Variants in WDR70 observed in about 807,000 individuals in gnomAD.
The protein encoded by WDR70 is WD repeat-containing protein 70.
A neutral mutation model predicts 88.6 loss-of-function variants in WDR70; 53 were observed. That is an observed-to-expected ratio of 0.60 (90% confidence interval 0.48 to 0.75). WDR70 has a LOEUF of 0.75. WDR70 is among the 30% of genes least tolerant of loss of function. WDR70 has a pLI of 0.00. For synonymous variants in WDR70, 280 were observed against 270.0 expected, an observed-to-expected ratio of 1.04 and a Z score of -0.36; for missense variants, 610 against 823.2, an observed-to-expected ratio of 0.74 and a Z score of 3.17.
In WDR70 at chr5:37,542,559, G is replaced by C. The variant is rs753252418; in HGVS notation, c.917+25969G>C. Among the ~76,000 whole-genome samples the C allele has an allele frequency of 3.0e-4, 46 of 152,182 alleles. 1 individual carries two copies. In the Middle Eastern group the frequency reaches 0.014, roughly 45 times the overall value. ...GCCTCTCAAAGTGCTGGGATTCCAG[G>C]TGTGAGCCAATGTGCCCCGGCCCAC... On this transcript the variant is annotated intron_variant, in intron 9 of 17. Transcript: ENST00000265107.
At chr5:37,382,026 T>C (rs1748441687) in intron 3 of WDR70, among the ~76,000 whole-genome samples, 1 of 151,984 alleles carries the variant, frequency 6.6e-6, no homozygotes, top group Non-Finnish European at 1.5e-5. Flanking sequence ...GCACTCCAGC[T>C]TGGGGGACAA....
intron 9 of WDR70, among the ~76,000 whole-genome samples, chr5:37,531,961 G>A (rs780738157): frequency 4.4e-4 from 67 of 152,014 alleles, no homozygotes; most frequent in Non-Finnish European, 4.4e-4. Context: ...TGGTAGTGGC[G>A]AATTCTCTCA....
At chr5:37,499,995 A>T (rs927494665) in intron 8 of WDR70, among the ~76,000 whole-genome samples, 3 of 152,190 alleles carry the variant, frequency 2.0e-5, no homozygotes, top group African/African-American at 7.2e-5. Flanking sequence ...TTTTATTTAC[A>T]TGAATGAATT....
intron 7 of WDR70, among the ~76,000 whole-genome samples, chr5:37,452,071 T>C (rs1462781045): frequency 6.6e-6 from 1 of 152,156 alleles, no homozygotes; most frequent in African/African-American, 2.4e-5. Flanking sequence ...TCCAATTTCA[T>C]TCTCTTTATT....
chr5:37,550,193 G>A (rs1742104031), intron 9 of WDR70, among the ~76,000 whole-genome samples: 1 of 152,188 alleles, frequency 6.6e-6, no homozygotes, highest in South Asian at 2.1e-4. Context: ...CAAATTGATG[G>A]TTTTTCAGCA....
intron 9 of WDR70, among the ~76,000 whole-genome samples, chr5:37,540,846 T>C (rs1741794804): frequency 6.6e-6 from 1 of 152,246 alleles, no homozygotes; most frequent in Non-Finnish European, 1.5e-5. Flanking sequence ...CATGATTTTC[T>C]CACTCTTTGT....
At chr5:37,402,630 C>G (rs1475006951) in intron 5 of WDR70, among the ~76,000 whole-genome samples, 1 of 151,970 alleles carries the variant, frequency 6.6e-6, no homozygotes, top group African/African-American at 2.4e-5. Context: ...AAATATTTGT[C>G]TCTTCCTTAT....
At chr5:37,585,621 A>C (rs2112435144) in intron 9 of WDR70, among the ~76,000 whole-genome samples, 1 of 152,284 alleles carries the variant, frequency 6.6e-6, no homozygotes, top group Admixed American at 6.5e-5. Flanking sequence ...TGTCTTCTCC[A>C]ATTCTCCATT....
At chr5:37,562,966 A>G (rs1742563529) in intron 9 of WDR70, among the ~76,000 whole-genome samples, 1 of 146,778 alleles carries the variant, frequency 6.8e-6, no homozygotes, top group South Asian at 2.2e-4. Flanking sequence ...TGTTGAGTAC[A>G]CCTCCCAGAC....
chr5:37,467,011 G>A (rs1739171337), intron 7 of WDR70, among the ~76,000 whole-genome samples: 1 of 151,986 alleles, frequency 6.6e-6, no homozygotes, highest in African/African-American at 2.4e-5. Context: ...CGAGGCAAGT[G>A]GATCACTTGA....
intron 17 of WDR70, among the ~76,000 whole-genome samples, chr5:37,738,381 C>T (rs1464008938): frequency 3.3e-5 from 5 of 152,118 alleles, no homozygotes; most frequent in Admixed American, 3.3e-4. Context: ...TCACTTTATG[C>T]TTTTTGAAGG....
chr5:37,433,530 G>A (rs1375760515), intron 5 of WDR70, among the ~76,000 whole-genome samples: 1 of 152,156 alleles, frequency 6.6e-6, no homozygotes, highest in Non-Finnish European at 1.5e-5. Context: ...CAAATGCAAG[G>A]ATGCTGAAGT....
chr5:37,383,027 T>A (rs1208533273), intron 3 of WDR70, among the ~76,000 whole-genome samples: 5 of 149,628 alleles, frequency 3.3e-5, no homozygotes, highest in African/African-American at 4.9e-5. Flanking sequence ...ATAAAAAAAA[T>A]AAAATAAAAT....
At chr5:37,682,885 A>T (rs565583790) in intron 10 of WDR70, among the ~76,000 whole-genome samples, 1 of 152,028 alleles carries the variant, frequency 6.6e-6, no homozygotes, top group South Asian at 2.1e-4. Flanking sequence ...GATGAGAAGA[A>T]TGTATGTTCT....
intron 5 of WDR70, among the ~76,000 whole-genome samples, chr5:37,420,095 G>A (rs182594842): frequency 2.6e-4 from 39 of 152,158 alleles, no homozygotes; most frequent in African/African-American, 8.2e-4. Context: ...AGCCACAGTG[G>A]CTCTCATCTC....
chr5:37,562,603 A>T (rs1250806690), intron 9 of WDR70, among the ~76,000 whole-genome samples: 1 of 152,192 alleles, frequency 6.6e-6, no homozygotes, highest in African/African-American at 2.4e-5. Context: ...GGCCTTCCGC[A>T]GTGTTTGTGT....
At chr5:37,652,608 T>G (rs1025743578) in intron 10 of WDR70, among the ~76,000 whole-genome samples, 3 of 152,224 alleles carry the variant, frequency 2.0e-5, no homozygotes, top group Non-Finnish European at 4.4e-5. Context: ...TGTCCTCTCT[T>G]ATTTCATTGA....
chr5:37,518,832 C>T (rs768520565), intron 9 of WDR70, among the ~76,000 whole-genome samples: 4 of 152,184 alleles, frequency 2.6e-5, no homozygotes, highest in Admixed American at 2.0e-4. Flanking sequence ...GAGGTCCCTG[C>T]AGCCTTCCCA....
At chr5:37,577,345 G>A (rs1743089105) in intron 9 of WDR70, among the ~76,000 whole-genome samples, 1 of 152,104 alleles carries the variant, frequency 6.6e-6, no homozygotes, top group Non-Finnish European at 1.5e-5. Flanking sequence ...AACCAGGCAT[G>A]GTGGCACATG....
Sources: allele counts gnomAD v4.1 joint callset (sites outside exome capture counted in the v4.1 genomes callset), GRCh38; gene constraint gnomAD v4.1.1; transcripts MANE v1.5; gene names NCBI Gene and HGNC (gene_info 2026-07-23, HGNC 2026-07-21).